Variants in COL25A1 observed in about 807,000 individuals in gnomAD.
The protein encoded by COL25A1 is collagen alpha-1(XXV) chain.
Under a neutral mutation model 128.4 loss-of-function variants are expected in COL25A1, and 103 were observed. The ratio of observed to expected loss-of-function variants is 0.80; its 90% CI spans 0.68 to 0.94. The LOEUF (loss-of-function observed/expected upper bound fraction) is 0.94, where lower values mean the gene tolerates loss of function less well. COL25A1 is among the 40% of genes least tolerant of loss of function. The pLI is 0.00. For synonymous variants in COL25A1, 279 were observed against 277.2 expected (o/e 1.01, Z -0.06); for missense variants, 745 against 840.0 (o/e 0.89, Z 1.40).
chr4:109,301,400 C>A (rs1414112598), intron 2 of COL25A1, among the ~76,000 whole-genome samples: 2 of 152,128 alleles, frequency 1.3e-5, no homozygotes, highest in African/African-American at 4.8e-5. Context: ...AAGAAATATT[C>A]TCTCCACAAT....
intron 6 of COL25A1, among the ~76,000 whole-genome samples, chr4:109,001,394 G>GTAGGCATCTGAGATCCTGTCAGA: frequency 2.0e-5 from 3 of 152,190 alleles, no homozygotes; most frequent in Non-Finnish European, 4.4e-5. Context: ...ATCCTGTCAG[G>GTAGGCATCTGAGATCCTGTCAGA]TAGGCATCTG....
chr4:109,195,491 T>C (rs1474246487), intron 3 of COL25A1, among the ~76,000 whole-genome samples: 1 of 152,218 alleles, frequency 6.6e-6, no homozygotes, highest in African/African-American at 2.4e-5. Flanking sequence ...AACACTGTAG[T>C]AGGATGTGCC....
chr4:109,016,311 T>C, intron 5 of COL25A1, among the ~76,000 whole-genome samples: 1 of 152,190 alleles, frequency 6.6e-6, no homozygotes, highest in East Asian at 1.9e-4. Context: ...TAAGTGCCAA[T>C]GAGCAAAGAA....
Position 108,812,223 on chromosome 4 carries a change from A to G in COL25A1, c.*1704T>C, listed in dbSNP as rs1403849029. ...GAAAAATATTTTCTTTATGGCAACT[A>G]TATTTCACAGCTTTCTGAGATCTTA... On this transcript the variant is annotated 3_prime_UTR_variant, in exon 38 of 38. Transcript: ENST00000399132. The G allele has an allele frequency of 6.6e-6, 1 of 152,232 alleles. No homozygotes were observed. The highest frequency in any genetic ancestry group is 1.5e-5 in the Non-Finnish European group (1 of 68,024). The allele number at this position is 152,232 out of a possible 1,614,324, so 9.4% of individuals were successfully genotyped here. A position where few individuals can be genotyped will look rare whatever the true frequency, so the allele number is the denominator to read the frequency against.
chr4:108,912,770 G>A (rs1744383659), intron 13 of COL25A1, among the ~76,000 whole-genome samples: 1 of 152,114 alleles, frequency 6.6e-6, no homozygotes, highest in Non-Finnish European at 1.5e-5. Context: ...AAGTCTGAGA[G>A]CTTCAATTTA....
At chr4:109,154,670 T>A (rs1771861792) in intron 3 of COL25A1, among the ~76,000 whole-genome samples, 1 of 152,166 alleles carries the variant, frequency 6.6e-6, no homozygotes, top group Non-Finnish European at 1.5e-5. Flanking sequence ...CAGAAAACAT[T>A]CACAATCATC....
chr4:108,867,286 A>G (rs1435064860), intron 20 of COL25A1, among the ~76,000 whole-genome samples: 1 of 152,178 alleles, frequency 6.6e-6, no homozygotes, highest in East Asian at 1.9e-4. Context: ...TTCTTTGTGT[A>G]TCATGCCCAT....
chr4:109,079,753 A>G (rs78362798), intron 3 of COL25A1, among the ~76,000 whole-genome samples: 1 of 151,272 alleles, frequency 6.6e-6, no homozygotes. Context: ...TTTGTGTCAC[A>G]GGCTTCCAGT....
At chr4:108,927,711 T>G (rs140247363) in intron 11 of COL25A1, among the ~76,000 whole-genome samples, 43 of 152,330 alleles carry the variant, frequency 2.8e-4, no homozygotes, top group African/African-American at 9.4e-4. Context: ...CTATCTCATG[T>G]GCTGAATTTT....
intron 35 of COL25A1, among the ~76,000 whole-genome samples, chr4:108,821,243 C>G (rs1268556742): frequency 6.6e-6 from 1 of 152,166 alleles, no homozygotes; most frequent in East Asian, 1.9e-4. Flanking sequence ...ATCAAAAACA[C>G]TTGGATTTCT....
chr4:109,111,171 C>A (rs181023536), intron 3 of COL25A1, among the ~76,000 whole-genome samples: 1 of 152,170 alleles, frequency 6.6e-6, no homozygotes, highest in Non-Finnish European at 1.5e-5. Flanking sequence ...GTGGTGTTTT[C>A]GCAATGACTG....
intron 8 of COL25A1, 110 bp from the exon 9 acceptor site, chr4:108,941,547 T>TGTG: frequency 1.3e-6 from 1 of 751,508 alleles, no homozygotes; most frequent in Non-Finnish European, 2.3e-6. Flanking sequence ...AGACTTATAA[T>TGTG]GATTATTAAA....
At chr4:109,101,489 C>T (rs543516855) in intron 3 of COL25A1, among the ~76,000 whole-genome samples, 61 of 152,144 alleles carry the variant, frequency 4.0e-4, no homozygotes, top group African/African-American at 1.4e-3. Context: ...TTTGGGAGAG[C>T]GGGGGATAGT....
At chr4:109,254,609 C>T (rs1780961072) in intron 3 of COL25A1, among the ~76,000 whole-genome samples, 1 of 150,502 alleles carries the variant, frequency 6.6e-6, no homozygotes, top group African/African-American at 2.4e-5. Flanking sequence ...TCCTTAAACA[C>T]AGGAATGATG....
At chr4:109,068,955 C>T (rs1560631098) in intron 3 of COL25A1, among the ~76,000 whole-genome samples, 1 of 151,982 alleles carries the variant, frequency 6.6e-6, no homozygotes, top group African/African-American at 2.4e-5. Flanking sequence ...AAGACATAGT[C>T]AGGTCCTATA....
chr4:109,240,112 A>C (rs1195810528), intron 3 of COL25A1, among the ~76,000 whole-genome samples: 1 of 151,966 alleles, frequency 6.6e-6, no homozygotes, highest in Non-Finnish European at 1.5e-5. Context: ...TTACAGTTAA[A>C]TTTTTTTTAA....
intron 16 of COL25A1, among the ~76,000 whole-genome samples, chr4:108,890,191 G>A (rs1218486092): frequency 6.6e-6 from 1 of 152,204 alleles, no homozygotes; most frequent in East Asian, 1.9e-4. Flanking sequence ...TCTTCAGCAA[G>A]TCAAGGTTCA....
intron 3 of COL25A1, among the ~76,000 whole-genome samples, chr4:109,281,195 T>C (rs1359573664): frequency 6.6e-6 from 1 of 152,134 alleles, no homozygotes; most frequent in African/African-American, 2.4e-5. Context: ...TTAGTTACCA[T>C]TCAATAGTTT....
chr4:109,077,662 C>G (rs554170996), intron 3 of COL25A1, among the ~76,000 whole-genome samples: 6 of 152,248 alleles, frequency 3.9e-5, no homozygotes, highest in Non-Finnish European at 5.9e-5. Flanking sequence ...TGATGTCAAC[C>G]GTCTGAAGGG....
Sources: allele counts gnomAD v4.1 joint callset (sites outside exome capture counted in the v4.1 genomes callset), GRCh38; gene constraint gnomAD v4.1.1; transcripts MANE v1.5; gene names NCBI Gene and HGNC (gene_info 2026-07-23, HGNC 2026-07-21).